Variants in DBR1 observed in about 807,000 individuals in gnomAD.
DBR1 encodes lariat debranching enzyme.
DBR1 carries 33 observed loss-of-function variants against 45.9 expected under a neutral mutation model. That is an observed-to-expected ratio of 0.72 (90% CI 0.55 to 0.96). The LOEUF is 0.96. Ranked by LOEUF, DBR1 falls within the 40% of genes least tolerant of loss-of-function variation. DBR1 has a pLI of 0.00. For missense variants in DBR1, 619 were observed against 667.4 expected, an observed-to-expected ratio of 0.93 and a Z score of 0.80; for synonymous variants, 235 against 235.9, an observed-to-expected ratio of 1.00 and a Z score of 0.04.
In DBR1 at chr3:138,161,932, G is replaced by A; in HGVS notation, c.1592C>T (p.Ala531Val). ...QRKKIKRRNQAIYAAVDDDDD... is the reference protein window; with the variant it reads ...QRKKIKRRNQVIYAAVDDDDD... ...ATCATCATCCACTGCAGCGTAAATG[G>A]CTTGATTCCTCCTCTTAATTTTCTT... The change falls in exon 8 of 8, where the codon GCC becomes GTC. Residue 531 changes from alanine to valine, a missense_variant. Physicochemically the swap from Ala to Val is moderately conservative, Grantham distance 64. This residue lies in a region of DBR1 where 182 missense variants were observed against 196.1 expected (regional missense o/e 0.93). Transcript: ENST00000260803. 6.2e-7 allele frequency: 1 copy of A among 1,614,008 alleles called. No individual in the cohort carries two copies. Among genetic ancestry groups the A allele is most frequent in the Non-Finnish European group, 8.5e-7 (1 of 1,179,928 alleles).
At position 138,161,038 on chromosome 3, in the gene DBR1, T is replaced by C. The variant is rs1314861714; in HGVS notation, c.*851A>G. Reference sequence around the variant, plus strand: ...TTAGTATTCAGAGTAGTTTATTTCCTGAAATCTTATATACCATCTTCAATT... The same window carrying C: ...TTAGTATTCAGAGTAGTTTATTTCCCGAAATCTTATATACCATCTTCAATT... On this transcript the variant is annotated 3_prime_UTR_variant, in exon 8 of 8. Coordinates refer to ENST00000260803, the MANE Select transcript of DBR1 (RefSeq NM_016216.4). 6.6e-6 allele frequency: 1 copy of C among 152,220 alleles called. No individual in the cohort carries two copies. Among genetic ancestry groups the C allele is most frequent in the East Asian group, 1.9e-4 (1 of 5,196 alleles). The allele number at this position is 152,220 out of a possible 1,614,324, so 9.4% of individuals were successfully genotyped here. A position where few individuals can be genotyped will look rare whatever the true frequency, so the allele number is the denominator to read the frequency against.
intron 4 of DBR1, 105 bp from the exon 5 acceptor site, chr3:138,167,410 T>G (rs1245388873): frequency 2.7e-6 from 2 of 753,548 alleles, no homozygotes; most frequent in Non-Finnish European, 4.3e-6. Flanking sequence ...CCCACTGAGA[T>G]CTCTAGAATT....
intron 4 of DBR1, among the ~76,000 whole-genome samples, chr3:138,169,509 AAAATATCACTTTAACATTTTATTTT>A (rs1336166100): frequency 6.6e-6 from 1 of 152,232 alleles, no homozygotes; most frequent in Admixed American, 6.5e-5. Flanking sequence ...TATTTTCTTT[AAAATATCACTTTAACATTTTATTTT>A]AAATATCACT....
intron 2 of DBR1, 50 bp downstream of exon 2, chr3:138,173,452 A>T (rs1302312163): frequency 6.2e-7 from 1 of 1,600,188 alleles, no homozygotes; most frequent in Non-Finnish European, 8.5e-7. Context: ...AAATCCTGAT[A>T]AGCTCTTCCA....
chr3:138,167,953 GAAA>G (rs954235630), intron 4 of DBR1, among the ~76,000 whole-genome samples: 1 of 148,908 alleles, frequency 6.7e-6, no homozygotes, highest in Non-Finnish European at 1.5e-5. Context: ...ATCTCAAAAA[GAAA>G]AAAAAGAAAA....
Position 138,163,847 on chromosome 3 carries a change from T to C in DBR1, c.726A>G (p.Lys242=). The change falls in exon 6 of 8, where the codon AAA becomes AAG. Residue 242 remains lysine, a synonymous_variant. Coordinates refer to ENST00000260803, the MANE Select transcript of DBR1 (RefSeq NM_016216.4). Reference sequence around the variant, plus strand: ...ATTTGGTTGCTCTGGCTGTCTGTCCTTTATCCTTTGCCTGGACAATATGAA... The same window carrying C: ...ATTTGGTTGCTCTGGCTGTCTGTCCCTTATCCTTTGCCTGGACAATATGAA... ...AALMQHQAKD[K]GQTARATKFL... is the part of the protein sequence containing the mutation. 1 of 1,611,702 alleles carries C rather than the reference T, an allele frequency of 6.2e-7. No individual in the cohort carries two copies. Among genetic ancestry groups the C allele is most frequent in the Non-Finnish European group, 8.5e-7 (1 of 1,178,144 alleles).
chr3:138,163,230 G>T, intron 7 of DBR1, 119 bp downstream of exon 7: 1 of 1,001,200 alleles, frequency 1.0e-6, no homozygotes, highest in Non-Finnish European at 1.5e-6. Flanking sequence ...TCACACCACT[G>T]CAGTCCAGTT....
intron 2 of DBR1, 108 bp downstream of exon 2, chr3:138,173,394 T>G: frequency 1.5e-5 from 17 of 1,102,146 alleles, no homozygotes; most frequent in Non-Finnish European, 2.2e-5. Context: ...TTTAAATTAA[T>G]GACATTCTCC....
rs34737927 is a variant in DBR1, at chr3:138,171,633, CTT to C, written c.401_402del (p.Lys134ArgfsTer4). 6.2e-7 allele frequency: 1 copy of C among 1,609,042 alleles called. No homozygotes were observed. The highest frequency in any genetic ancestry group is 8.5e-7 in the Non-Finnish European group (1 of 1,175,982). On this transcript the variant is annotated frameshift_variant and splice_region_variant, in exon 3 of 8. Transcript: ENST00000260803. LOFTEE classifies it high-confidence loss of function. The stretch of plus-strand genomic sequence containing the variant: ...TTAAAAATAATTCTCAAAACAATAC[CTT>C]TTCGATAGTCATGAGATTTAAAGAT... The part of the protein sequence containing the change: ...SGIFKSHDYR[K>X]GHFECPPYNS...
At chr3:138,169,320 C>T (rs2042944504) in intron 4 of DBR1, among the ~76,000 whole-genome samples, 1 of 152,104 alleles carries the variant, frequency 6.6e-6, no homozygotes, top group Admixed American at 6.6e-5. Context: ...TCTGTTTAGC[C>T]CAGTGTCAGC....
intron 5 of DBR1, 72 bp from the exon 6 acceptor site, chr3:138,163,930 G>T: frequency 1.8e-6 from 2 of 1,099,098 alleles, no homozygotes; most frequent in South Asian, 1.3e-5. Flanking sequence ...ACACGGAATA[G>T]GATGAAAATA....
At chr3:138,168,328 G>A (rs1353166902) in intron 4 of DBR1, among the ~76,000 whole-genome samples, 2 of 151,690 alleles carry the variant, frequency 1.3e-5, no homozygotes, top group East Asian at 3.9e-4. Context: ...AGACCAGCCT[G>A]GCCAACATGG....
At chr3:138,163,653 C>A (rs1321959269) in intron 6 of DBR1, 125 bp downstream of exon 6, 2 of 718,476 alleles carry the variant, frequency 2.8e-6, no homozygotes, top group Non-Finnish European at 4.0e-6. Flanking sequence ...AAGTAAGATA[C>A]CCCCAAAGAA....
At chr3:138,165,343 C>T (rs971157618) in intron 5 of DBR1, among the ~76,000 whole-genome samples, 1 of 152,040 alleles carries the variant, frequency 6.6e-6, no homozygotes, top group African/African-American at 2.4e-5. Flanking sequence ...TATCCTTAAT[C>T]CAAAAATCTG....
At position 138,174,648 on chromosome 3, in the gene DBR1, G is replaced by C. The variant is rs760003643; in HGVS notation, c.148C>G (p.Arg50Gly). The change falls in exon 1 of 8, where the codon CGC becomes GGC. Residue 50 changes from arginine to glycine, a missense_variant. Coordinates refer to ENST00000260803, the MANE Select transcript of DBR1 (RefSeq NM_016216.4). ...TACTTGGGCGGCACGGCCATGCAGCGTAGATCCGCCTCGTTGCGCACCGCC... is the reference window on the plus strand; with the variant it reads ...TACTTGGGCGGCACGGCCATGCAGCCTAGATCCGCCTCGTTGCGCACCGCC... ...FQAVRNEADL[R>G]CMAVPPKYRH... 1.4e-5 allele frequency: 22 copies of C among 1,611,756 alleles called. No individual in the cohort carries two copies. The highest frequency in any genetic ancestry group is 3.3e-4 in the Middle Eastern group (2 of 6,078).
intron 5 of DBR1, among the ~76,000 whole-genome samples, chr3:138,166,273 A>G (rs1421134948): frequency 6.6e-6 from 1 of 152,230 alleles, no homozygotes; most frequent in Non-Finnish European, 1.5e-5. Flanking sequence ...GCATACTTCC[A>G]TAGAAGTTTC....
chr3:138,173,676 G>C, intron 1 of DBR1, 50 bp from the exon 2 acceptor site: 1 of 1,500,942 alleles, frequency 6.7e-7, no homozygotes, highest in Non-Finnish European at 8.9e-7. Flanking sequence ...TAGCAGAAAA[G>C]CAAATAAGTT....
At chr3:138,169,706 C>T (rs1019452946) in intron 4 of DBR1, among the ~76,000 whole-genome samples, 7 of 152,016 alleles carry the variant, frequency 4.6e-5, no homozygotes, top group East Asian at 3.9e-4. Context: ...CCAAGGCAGG[C>T]GGATCACCTG....
chr3:138,171,562 G>T, intron 3 of DBR1, 71 bp downstream of exon 3: 2 of 797,710 alleles, frequency 2.5e-6, no homozygotes, highest in Admixed American at 2.0e-5. Flanking sequence ...AAGAGTCAAA[G>T]TACATATCAT....
Sources: allele counts gnomAD v4.1 joint callset (sites outside exome capture counted in the v4.1 genomes callset), GRCh38; gene constraint gnomAD v4.1.1; regional missense constraint gnomAD v4.1.1; transcripts MANE v1.5; gene names NCBI Gene and HGNC (gene_info 2026-07-23, HGNC 2026-07-21).